The following SRCIN1 variants were observed in gnomAD, a reference collection of about 807,000 sequenced individuals.
SRCIN1 encodes SRC kinase signaling inhibitor 1, also known as P130Cas-associated protein.
Under a neutral mutation model 116.2 loss-of-function variants are expected in SRCIN1, and 50 were observed. The observed-to-expected ratio is 0.43, with a 90% confidence interval of 0.34 to 0.54. SRCIN1 has a LOEUF of 0.54. Ranked by LOEUF, SRCIN1 falls within the 20% of genes least tolerant of loss-of-function variation. The pLI is 0.02. For synonymous variants in SRCIN1, 736 were observed against 750.0 expected, an observed-to-expected ratio of 0.98 and a Z score of 0.30; for missense variants, 1,446 against 1,672.0, an observed-to-expected ratio of 0.86 and a Z score of 2.36.
rs1567866188 is a variant in SRCIN1, at chr17:38,563,092, C to A, written c.741-172G>T. Reference sequence around the variant, plus strand: ...TCCACCCCGGCCTCTTCCTGGCCTCCGGCGCCATTTTCAGGTTAGCTCAAA... The same window carrying A: ...TCCACCCCGGCCTCTTCCTGGCCTCAGGCGCCATTTTCAGGTTAGCTCAAA... On this transcript the variant is annotated intron_variant, in intron 5 of 18. Coordinates refer to ENST00000617146, the MANE Select transcript of SRCIN1 (RefSeq NM_025248.3). This position sits in a 1 kb window ranked among gnomAD's most constrained non-coding sequence, Gnocchi z 5.8. 1.3e-5 allele frequency among the ~76,000 whole-genome samples: 2 copies of A among 152,264 alleles called. No individual in the cohort carries two copies. The highest frequency in any genetic ancestry group is 3.9e-4 in the East Asian group (2 of 5,174).
Position 38,558,304 on chromosome 17 carries a change from C to A in SRCIN1, c.2124G>T (p.Leu708=). The change falls in exon 11 of 19, where the codon CTG becomes CTT. Residue 708 remains leucine, a synonymous_variant. Coordinates refer to ENST00000617146, the MANE Select transcript of SRCIN1 (RefSeq NM_025248.3). The surrounding 1 kb of genome is among the most constrained non-coding windows in gnomAD (Gnocchi z 4.6). ...CTTCCACCAGGGTGCGCTGCCGCTG[C>A]AGCGGGTCCTCCTGCCGCCGCGCCG... ...SEAARRQEDP[L]QRQRTLVEEE... is the part of the protein sequence containing the mutation. 1 of 1,611,744 alleles carries A rather than the reference C, an allele frequency of 6.2e-7. No individual in the cohort carries two copies. The highest frequency in any genetic ancestry group is 8.5e-7 in the Non-Finnish European group (1 of 1,179,634).
intron 2 of SRCIN1, among the ~76,000 whole-genome samples, chr17:38,570,972 C>T (rs1001245750): frequency 6.6e-6 from 1 of 152,252 alleles, no homozygotes; most frequent in African/African-American, 2.4e-5. Context: ...CCTGCCCCTC[C>T]ATCCTCTGTC....
At chr17:38,533,762 G>T (rs1310447777) in intron 18 of SRCIN1, among the ~76,000 whole-genome samples, 1 of 142,096 alleles carries the variant, frequency 7.0e-6, no homozygotes, top group Non-Finnish European at 1.5e-5. Context: ...AGGTGGGGGT[G>T]GGGGAGGGCA....
In SRCIN1 at chr17:38,562,993, A is replaced by G. The variant is rs937975172; in HGVS notation, c.741-73T>C. 75 of 1,293,738 alleles carry G rather than the reference A, an allele frequency of 5.8e-5. No individual in the cohort carries two copies. Among genetic ancestry groups the G allele is most frequent in the Non-Finnish European group, 7.9e-5 (72 of 910,128 alleles). The allele number at this position is 1,293,738 out of a possible 1,614,324, so 80.1% of individuals were successfully genotyped here. Reference sequence around the variant, plus strand: ...CACAATGAGAAGGGATGGCTACTCCAGGCCTAGAGAAGAGGGGTGGCCAGA... The same window carrying G: ...CACAATGAGAAGGGATGGCTACTCCGGGCCTAGAGAAGAGGGGTGGCCAGA... On this transcript the variant is annotated intron_variant, in intron 5 of 18. Transcript: ENST00000617146. The surrounding 1 kb of genome is among the most constrained non-coding windows in gnomAD (Gnocchi z 4.2).
At chr17:38,545,389 G>C (rs888824907) in intron 17 of SRCIN1, 1 of 152,382 alleles carries the variant, frequency 6.6e-6, no homozygotes, top group Non-Finnish European at 1.5e-5. Flanking sequence ...CTCTGGCGGG[G>C]AGGGAGGGTT....
intron 18 of SRCIN1, 24 bp from the exon 19 acceptor site, chr17:38,533,455 G>T: frequency 6.2e-7 from 1 of 1,610,306 alleles, no homozygotes; most frequent in Non-Finnish European, 8.5e-7. Context: ...AGGGGTCAGG[G>T]GTCAGAGAGC....
At position 38,572,768 on chromosome 17, in the gene SRCIN1, C is replaced by CCGGCCGCCTCCGCAGCCG. The variant is rs1007254184; in HGVS notation, c.325-4555_325-4538dup. ...CCACCCGCCCGGGCTCTTCTCTCCC[C>CCGGCCGCCTCCGCAGCCG]CGGCCGCCTCCGCAGCCGCGGCCGC... is the stretch of plus-strand genomic sequence containing the variant. On this transcript the variant is annotated intron_variant, in intron 2 of 18. Transcript: ENST00000617146. This position sits in a 1 kb window ranked among gnomAD's most constrained non-coding sequence, Gnocchi z 4.3. 10 of 152,920 alleles carry CCGGCCGCCTCCGCAGCCG rather than the reference C, an allele frequency of 6.5e-5. No individual in the cohort carries two copies. The highest frequency in any genetic ancestry group is 1.9e-4 in the East Asian group (1 of 5,172). The allele number at this position is 152,920 out of a possible 1,614,324, so 9.5% of individuals were successfully genotyped here.
rs963304533 is a variant in SRCIN1 at position 38,552,358 on chromosome 17, G to T, written c.2480+89C>A. On this transcript the variant is annotated intron_variant, in intron 13 of 18. Transcript: ENST00000617146. This position sits in a 1 kb window ranked among gnomAD's most constrained non-coding sequence, Gnocchi z 5.3. ...CCAGTCGGCACGCCAGTGACCTTTG[G>T]GGGAGTTGGGGTAAGGGTTCAGTAT... The T allele has an allele frequency of 5.4e-6, 8 of 1,493,164 alleles. No individual in the cohort carries two copies. The highest frequency in any genetic ancestry group is 7.1e-6 in the Non-Finnish European group (8 of 1,121,218). The allele number at this position is 1,493,164 out of a possible 1,614,324, so 92.5% of individuals were successfully genotyped here. A position where few individuals can be genotyped will look rare whatever the true frequency, so the allele number is the denominator to read the frequency against.
Position 38,552,522 on chromosome 17 carries a change from T to C in SRCIN1, c.2405A>G (p.Lys802Arg). The change falls in exon 13 of 19, where the codon AAG becomes AGG. Residue 802 changes from lysine (K) to arginine (R), a missense_variant. Around this residue, in one of 5 missense-constraint regions of SRCIN1, gnomAD observed 531 missense variants for 633.9 expected, o/e 0.84. Transcript: ENST00000617146. This position sits in a 1 kb window ranked among gnomAD's most constrained non-coding sequence, Gnocchi z 5.3. Reference sequence around the variant, plus strand: ...CCCATCCAGGCGCTGGGGCTCCTCCTTCAGGAACTTCACCGCCTCCACCTC... The same window carrying C: ...CCCATCCAGGCGCTGGGGCTCCTCCCTCAGGAACTTCACCGCCTCCACCTC... ...RVEVEAVKFL[K>R]EEPQRLDGLL... 6.2e-7 allele frequency: 1 copy of C among 1,605,898 alleles called. No individual in the cohort carries two copies. The highest frequency in any genetic ancestry group is 1.7e-5 in the Admixed American group (1 of 58,808).
chr17:38,558,309 G>T lies in SRCIN1; in HGVS notation c.2119C>A (p.Pro707Thr). The change falls in exon 11 of 19, where the codon CCG (proline) becomes ACG (threonine). Residue 707 changes from proline to threonine, a missense_variant. Coordinates refer to ENST00000617146, the MANE Select transcript of SRCIN1 (RefSeq NM_025248.3). The surrounding 1 kb of genome is among the most constrained non-coding windows in gnomAD (Gnocchi z 4.6). ...VSEAARRQED[P>T]LQRQRTLVEE... Reference sequence around the variant, plus strand: ...ACCAGGGTGCGCTGCCGCTGCAGCGGGTCCTCCTGCCGCCGCGCCGCCTCC... The same window carrying T: ...ACCAGGGTGCGCTGCCGCTGCAGCGTGTCCTCCTGCCGCCGCGCCGCCTCC... 2 of 1,611,364 alleles carry T rather than the reference G, an allele frequency of 1.2e-6. No individual in the cohort carries two copies.
upstream of SRCIN1, among the ~76,000 whole-genome samples, chr17:38,606,621 C>G (rs965369041): frequency 3.9e-5 from 6 of 152,212 alleles, no homozygotes; most frequent in African/African-American, 1.4e-4. This position sits in a 1 kb window ranked among gnomAD's most constrained non-coding sequence, Gnocchi z 5.2. Context: ...TGAGACCCCA[C>G]CGTAGGACGC....
At chr17:38,575,138 CT>C (rs1487207500) in intron 2 of SRCIN1, among the ~76,000 whole-genome samples, 2 of 152,222 alleles carry the variant, frequency 1.3e-5, no homozygotes, top group Non-Finnish European at 2.9e-5. Flanking sequence ...GGCTGGGTAT[CT>C]CTCTAACTAG....
chr17:38,535,269 C>G (rs1428316037), intron 18 of SRCIN1, among the ~76,000 whole-genome samples: 2 of 140,376 alleles, frequency 1.4e-5, no homozygotes, highest in African/African-American at 5.6e-5. Flanking sequence ...AGTACAATGG[C>G]GCAATCTTGG....
intron 1 of SRCIN1, among the ~76,000 whole-genome samples, chr17:38,603,139 C>A (rs937108719): frequency 6.6e-6 from 1 of 152,084 alleles, no homozygotes; most frequent in Non-Finnish European, 1.5e-5. Context: ...CTAATTAAAC[C>A]CTTTTTCCAG....
chr17:38,581,390 T>A (rs1167609561), intron 1 of SRCIN1, among the ~76,000 whole-genome samples: 6 of 137,208 alleles, frequency 4.4e-5, no homozygotes, highest in Non-Finnish European at 9.1e-5. Context: ...TGGGAGACAG[T>A]GTGAAACTCT....
At chr17:38,606,634 C>T (rs1435578166), upstream of SRCIN1, among the ~76,000 whole-genome samples, 1 of 152,164 alleles carries the variant, frequency 6.6e-6, no homozygotes, top group Admixed American at 6.5e-5. The surrounding 1 kb of genome is among the most constrained non-coding windows in gnomAD (Gnocchi z 5.2). Flanking sequence ...TAGGACGCTC[C>T]AGCGACGGTC....
In SRCIN1 at chr17:38,561,946, C is replaced by A; in HGVS notation, c.1217G>T (p.Gly406Val). ...YADPYGLLHEGRLSLAAAAGD... is the reference protein window; with the variant it reads ...YADPYGLLHEVRLSLAAAAGD... Reference sequence around the variant, plus strand: ...GGCGGCCGCGGCCAGGCTCAGACGGCCCTCGTGCAGCAGCCCGTAGGGGTC... The same window carrying A: ...GGCGGCCGCGGCCAGGCTCAGACGGACCTCGTGCAGCAGCCCGTAGGGGTC... Residue 406 changes from glycine to valine, a missense_variant, in exon 7 of 19, where the codon GGC becomes GTC. By Grantham distance (109) the Gly-to-Val change is moderately radical (BLOSUM62 -3). Around this residue, in one of 5 missense-constraint regions of SRCIN1, gnomAD observed 239 missense variants for 317.7 expected, o/e 0.75. Coordinates refer to ENST00000617146, the MANE Select transcript of SRCIN1 (RefSeq NM_025248.3). 2.0e-6 allele frequency: 3 copies of A among 1,465,864 alleles called. No individual in the cohort carries two copies. Among genetic ancestry groups the A allele is most frequent in the Middle Eastern group, 2.3e-4 (1 of 4,298 alleles). The allele number at this position is 1,465,864 out of a possible 1,614,324, so 90.8% of individuals were successfully genotyped here. A position where few individuals can be genotyped will look rare whatever the true frequency, so the allele number is the denominator to read the frequency against.
chr17:38,587,417 C>T lies in SRCIN1; in HGVS notation c.23-8626G>A, dbSNP rs944479036. Among the ~76,000 whole-genome samples, 5 of 152,176 alleles carry T rather than the reference C, an allele frequency of 3.3e-5. No homozygotes were observed. The South Asian group carries it at 6.2e-4, about 19-fold the overall frequency. On this transcript the variant is annotated intron_variant, in intron 1 of 18. Transcript: ENST00000617146. ...GGGCCTCCCCTCAGCTCTCAGCTCT[C>T]GGGAAGAGGTGGCCCCCTCCTTACC...
chr17:38,562,793 G>C lies in SRCIN1; in HGVS notation c.834+34C>G. On this transcript the variant is annotated intron_variant, in intron 6 of 18. Coordinates refer to ENST00000617146, the MANE Select transcript of SRCIN1 (RefSeq NM_025248.3). This position sits in a 1 kb window ranked among gnomAD's most constrained non-coding sequence, Gnocchi z 4.2. Reference sequence around the variant, plus strand: ...TGCTCCCCTGGACCCCATGTGCCCAGCCTCCCCAATGCCCTGGGCATGCCC... The same window carrying C: ...TGCTCCCCTGGACCCCATGTGCCCACCCTCCCCAATGCCCTGGGCATGCCC... 6.3e-7 allele frequency: 1 copy of C among 1,592,804 alleles called. No homozygotes were observed. The highest frequency in any genetic ancestry group is 8.6e-7 in the Non-Finnish European group (1 of 1,163,360).
Sources: gnomAD v4.1 joint callset for allele counts (sites outside exome capture counted in the v4.1 genomes callset) on GRCh38, gnomAD v4.1.1 for gene constraint, gnomAD v4.1.1 regional missense constraint, Gnocchi (gnomAD v3.1) non-coding constraint, MANE v1.5 for transcripts, NCBI Gene and HGNC (gene_info 2026-07-23, HGNC 2026-07-21) for gene names.